DCTN1: variants seen among roughly 807,000 people sequenced by gnomAD.
The protein encoded by DCTN1 is dynactin subunit 1, also known as 150 kDa dynein-associated polypeptide.
In DCTN1, 61 loss-of-function variants were observed where a neutral mutation model predicts 161.2. That is an observed-to-expected ratio of 0.38 (90% confidence interval 0.31 to 0.47). The LOEUF (loss-of-function observed/expected upper bound fraction) is 0.47, where lower values mean the gene tolerates loss of function less well. Ranked by LOEUF, DCTN1 falls within the 20% of genes least tolerant of loss-of-function variation. The pLI, the probability that DCTN1 is intolerant of heterozygous loss-of-function variation, is 0.99. For synonymous variants in DCTN1, 653 were observed against 632.4 expected (o/e 1.03, Z -0.49); for missense variants, 1,404 against 1,623.7 (o/e 0.86, Z 2.33).
In DCTN1 at chr2:74,369,618, T is replaced by C. The variant is rs1674683279; in HGVS notation, c.1393-127A>G. 1 of 994,462 alleles carries C rather than the reference T, an allele frequency of 1.0e-6. No homozygotes were observed. The highest frequency in any genetic ancestry group is 1.3e-5 in the South Asian group (1 of 77,730). 61.6% of individuals were successfully genotyped at this position (994,462 alleles called of 1,614,324 possible). A position where few individuals can be genotyped will look rare whatever the true frequency, so the allele number is the denominator to read the frequency against. On this transcript the variant is annotated intron_variant, in intron 13 of 31. Transcript: ENST00000628224. This position sits in a 1 kb window ranked among gnomAD's most constrained non-coding sequence, Gnocchi z 4.9. ...GATCATGAGGTCGAGATCGAGATCA[T>C]GCTGGCCAACATGGTGAAACCCCAT... is the stretch of plus-strand genomic sequence containing the variant.
chr2:74,376,795 G>C, intron 4 of DCTN1, 33 bp from the exon 5 acceptor site: 2 of 1,593,540 alleles, frequency 1.3e-6, no homozygotes, highest in Non-Finnish European at 1.7e-6. Flanking sequence ...CAGAGTTAGA[G>C]AACAGATGTC....
rs1675446204 is a variant in DCTN1, at chr2:74,380,137, G to C, written c.-100C>G. 1 of 1,345,516 alleles carries C rather than the reference G, an allele frequency of 7.4e-7. No individual in the cohort carries two copies. Among genetic ancestry groups the C allele is most frequent in the African/African-American group, 1.4e-5 (1 of 69,788 alleles). The allele number at this position is 1,345,516 out of a possible 1,614,324, so 83.3% of individuals were successfully genotyped here. On this transcript the variant is annotated 5_prime_UTR_variant, in exon 1 of 32. Coordinates refer to ENST00000628224, the MANE Select transcript of DCTN1 (RefSeq NM_004082.5). Reference sequence around the variant, plus strand: ...GGTCAGGGCGCTGGGCCCTCATAGAGGGACACAGGAGTCGTCAGGCACAGC... The same window carrying C: ...GGTCAGGGCGCTGGGCCCTCATAGACGGACACAGGAGTCGTCAGGCACAGC...
intron 6 of DCTN1, 189 bp from the exon 7 acceptor site, chr2:74,373,137 C>A: frequency 1.5e-6 from 1 of 669,604 alleles, no homozygotes; most frequent in Non-Finnish European, 2.7e-6. Flanking sequence ...CTTCAGGAAC[C>A]CAGAATTCCT....
chr2:74,385,547 C>T (rs540031842), intron 1 of DCTN1: 2 of 152,386 alleles, frequency 1.3e-5, no homozygotes, highest in South Asian at 2.1e-4. Flanking sequence ...ACAGCCCTAT[C>T]GGCTGTACTG....
At position 74,369,710 on chromosome 2, in the gene DCTN1, G is replaced by A. The variant is rs559781304; in HGVS notation, c.1393-219C>T. Among the ~76,000 whole-genome samples, 1 of 152,064 alleles carries A rather than the reference G, an allele frequency of 6.6e-6. No individual in the cohort carries two copies. Among genetic ancestry groups the A allele is most frequent in the Non-Finnish European group, 1.5e-5 (1 of 68,012 alleles). The stretch of plus-strand genomic sequence containing the variant: ...TGCCTGTAGTACCAGCTACTCGGGA[G>A]GCTGAGGCAGGAGAATCGCTTGAAC... On this transcript the variant is annotated intron_variant, in intron 13 of 31. Transcript: ENST00000628224. This position sits in a 1 kb window ranked among gnomAD's most constrained non-coding sequence, Gnocchi z 4.9.
At chr2:74,373,291 C>G (rs1293116959) in intron 6 of DCTN1, 7 of 392,126 alleles carry the variant, frequency 1.8e-5, no homozygotes, top group Non-Finnish European at 4.9e-6. Flanking sequence ...GAGACCAGTC[C>G]TCCTGCTAAC....
exon 1 of DCTN1, chr2:74,391,861 G>GCCGGCCCCGCCCTCCC (rs1676026439): frequency 4.4e-6 from 2 of 453,202 alleles, no homozygotes; most frequent in African/African-American, 2.0e-5. Context: ...ACCCTGCGGG[G>GCCGGCCCCGCCCTCCC]CCGGCCCCGC....
chr2:74,365,336 G>A, intron 25 of DCTN1, 95 bp from the exon 26 acceptor site: 1 of 1,569,440 alleles, frequency 6.4e-7, no homozygotes, highest in Non-Finnish European at 8.7e-7. Flanking sequence ...CCCTGCCAGT[G>A]AGAAGCCAGG....
chr2:74,367,222 G>A (rs957472221), intron 19 of DCTN1, 115 bp from the exon 20 acceptor site: 3 of 1,531,216 alleles, frequency 2.0e-6, no homozygotes, highest in Non-Finnish European at 2.7e-6. Context: ...AGGTCCTCTA[G>A]TTTCCCTGAT....
rs767442935 is a variant in DCTN1, at chr2:74,365,948, T to G, written c.2831A>C (p.Lys944Thr). 1 of 1,614,240 alleles carries G rather than the reference T, an allele frequency of 6.2e-7. No homozygotes were observed. Among genetic ancestry groups the G allele is most frequent in the Non-Finnish European group, 8.5e-7 (1 of 1,180,052 alleles). ...AATAACTGTCTCTCGATCTTCGAGC[T>G]TCAAACCCAGGCCTTCAGCATCTGT... ...EITDAEGLGL[K>T]LEDRETVIKE... Residue 944 changes from lysine (K) to threonine (T), a missense_variant, in exon 24 of 32, where the codon AAG becomes ACG. This residue lies in a region of DCTN1 where 475 missense variants were observed against 489.8 expected (regional missense o/e 0.97). Coordinates refer to ENST00000628224, the MANE Select transcript of DCTN1 (RefSeq NM_004082.5).
At chr2:74,381,409 A>C (rs1675504953), upstream of DCTN1, among the ~76,000 whole-genome samples, 1 of 152,234 alleles carries the variant, frequency 6.6e-6, no homozygotes, top group Non-Finnish European at 1.5e-5. Context: ...AGGTAGCCCA[A>C]CAGGAGAATG....
intron 6 of DCTN1, among the ~76,000 whole-genome samples, chr2:74,373,570 C>T (rs1337409039): frequency 3.9e-5 from 6 of 152,162 alleles, no homozygotes; most frequent in Non-Finnish European, 5.9e-5. Flanking sequence ...GTGTCAGGAC[C>T]ATGAATATTG....
intron 1 of DCTN1, among the ~76,000 whole-genome samples, chr2:74,379,778 G>A (rs1395444664): frequency 6.6e-6 from 1 of 152,178 alleles, no homozygotes; most frequent in African/African-American, 2.4e-5. Flanking sequence ...GGGCCAATTA[G>A]AGTCAGAGGT....
Position 74,371,083 on chromosome 2 carries a change from CT to C in DCTN1, c.738del (p.Glu247SerfsTer82), listed in dbSNP as rs766319053. 1 of 1,614,228 alleles carries C rather than the reference CT, an allele frequency of 6.2e-7. No homozygotes were observed. Among genetic ancestry groups the C allele is most frequent in the South Asian group, 1.1e-5 (1 of 91,084 alleles). ...LKRAEDKAKL[K>X]ELEKHKIQLE... Reference sequence around the variant, plus strand: ...AGCTGGATTTTGTGTTTCTCCAGCTCTTTTAGCTTTGCTTTGTCTTCTGCCC... The same window carrying C: ...AGCTGGATTTTGTGTTTCTCCAGCTCTTTAGCTTTGCTTTGTCTTCTGCCC... On this transcript the variant is annotated frameshift_variant, in exon 9 of 32. Coordinates refer to ENST00000628224, the MANE Select transcript of DCTN1 (RefSeq NM_004082.5). LOFTEE classifies it high-confidence loss of function.
At position 74,369,158 on chromosome 2, in the gene DCTN1, C is replaced by A. The variant is rs561838096; in HGVS notation, c.1641G>T (p.Gln547His). 2 of 1,614,134 alleles carry A rather than the reference C, an allele frequency of 1.2e-6. No individual in the cohort carries two copies. Among genetic ancestry groups the A allele is most frequent in the South Asian group, 2.2e-5 (2 of 91,094 alleles). ...TGAAGTCAAAGGTCTCTGGAGGTGG[C>A]TGCTGTTGCCTCTCCACAGATGCTT... Reference protein sequence around the residue: ...QQEASVERQQQPPPETFDFKI... With the variant: ...QQEASVERQQHPPPETFDFKI... Residue 547 changes from glutamine (Q) to histidine (H), a missense_variant, in exon 15 of 32, where the codon CAG (glutamine) becomes CAT (histidine). Transcript: ENST00000628224. The surrounding 1 kb of genome is among the most constrained non-coding windows in gnomAD (Gnocchi z 4.9).
At chr2:74,366,214 T>C (rs1352551645) in intron 23 of DCTN1, 30 bp downstream of exon 23, 3 of 1,613,782 alleles carry the variant, frequency 1.9e-6, no homozygotes, top group East Asian at 2.2e-5. Flanking sequence ...TACAGGCCTC[T>C]GCAACTTCTC....
intron 7 of DCTN1, chr2:74,372,111 G>A (rs13426785): frequency 0.023 from 6,701 of 296,874 alleles, 451 homozygotes; most frequent in African/African-American, 0.14. Flanking sequence ...GATCATTCTA[G>A]CAACTCCATT....
rs1675089137 is a variant in DCTN1 at position 74,374,343 on chromosome 2, G to A, written c.415-3C>T. On this transcript the variant is annotated splice_polypyrimidine_tract_variant and splice_region_variant and intron_variant, in intron 5 of 31. Transcript: ENST00000628224. ...AGTACCTTTCGGGCTGTCGGTGCCT[G>A]TCTCATCATTGCAGAAAACCAAAGA... 6.2e-7 allele frequency: 1 copy of A among 1,613,524 alleles called. No homozygotes were observed. Among genetic ancestry groups the A allele is most frequent in the African/African-American group, 1.3e-5 (1 of 74,850 alleles).
chr2:74,368,482 T>C (rs1674588721), intron 16 of DCTN1: 9 of 647,324 alleles, frequency 1.4e-5, no homozygotes, highest in Non-Finnish European at 2.4e-5. Flanking sequence ...CAGACAATGT[T>C]ATTCCCTCAG....
Sources: allele counts gnomAD v4.1 joint callset (sites outside exome capture counted in the v4.1 genomes callset), GRCh38; gene constraint gnomAD v4.1.1; regional missense constraint gnomAD v4.1.1; non-coding constraint Gnocchi (gnomAD v3.1); transcripts MANE v1.5; gene names NCBI Gene and HGNC (gene_info 2026-07-23, HGNC 2026-07-21).